ARHGEF28: variants seen among roughly 807,000 people sequenced by gnomAD.
ARHGEF28 encodes the protein Rho guanine nucleotide exchange factor 28.
ARHGEF28 carries 152 observed loss-of-function variants against 206.6 expected under a neutral mutation model. That is an observed-to-expected ratio of 0.74 (90% CI 0.64 to 0.84). The LOEUF is 0.84. Among genes scored for constraint, ARHGEF28 ranks in the 40% least tolerant of loss-of-function variants. ARHGEF28 has a pLI of 0.00. For missense variants in ARHGEF28, 2,028 were observed against 2,073.2 expected (o/e 0.98, Z 0.42); for synonymous variants, 763 against 776.4 (o/e 0.98, Z 0.29).
At chr5:73,932,158 G>A (rs900409441) in intron 35 of ARHGEF28, among the ~76,000 whole-genome samples, 2 of 152,140 alleles carry the variant, frequency 1.3e-5, no homozygotes, top group Admixed American at 6.5e-5. Flanking sequence ...AAATAACAGA[G>A]AAACTACTAA....
chr5:73,749,292 A>G (rs1751904060), intron 2 of ARHGEF28, among the ~76,000 whole-genome samples: 1 of 152,234 alleles, frequency 6.6e-6, no homozygotes, highest in Non-Finnish European at 1.5e-5. Flanking sequence ...AATAATTATC[A>G]TGAACTTTTG....
chr5:73,819,482 C>T (rs936711320), intron 9 of ARHGEF28, among the ~76,000 whole-genome samples: 8 of 152,166 alleles, frequency 5.3e-5, no homozygotes, highest in African/African-American at 1.9e-4. Flanking sequence ...GGAATCCTTC[C>T]TTGGGATTAT....
chr5:73,867,734 G>A, intron 18 of ARHGEF28, 142 bp from the exon 19 acceptor site: 1 of 1,113,706 alleles, frequency 9.0e-7, no homozygotes, highest in Non-Finnish European at 1.3e-6. Flanking sequence ...TCAGGATCTA[G>A]CAGGGAGACT....
intron 2 of ARHGEF28, among the ~76,000 whole-genome samples, chr5:73,745,419 T>G (rs986103610): frequency 1.3e-5 from 2 of 152,042 alleles, no homozygotes; most frequent in Non-Finnish European, 2.9e-5. Flanking sequence ...TAGTTTAAGG[T>G]GGCAAAAACA....
Position 73,911,274 on chromosome 5 carries a change from G to A in ARHGEF28, c.4648-1G>A, listed in dbSNP as rs768689372. On this transcript the variant is annotated splice_acceptor_variant, in intron 34 of 35. Coordinates refer to ENST00000513042, the MANE Select transcript of ARHGEF28 (RefSeq NM_001177693.2). LOFTEE classifies it high-confidence loss of function. ...TACTTTTCCTCTGTTTCTTTACACA[G>A]GTAATGGAACTTAATCGATCTGAGA... 2.5e-6 allele frequency: 4 copies of A among 1,579,800 alleles called. No individual in the cohort carries two copies. The highest frequency in any genetic ancestry group is 4.5e-5 in the East Asian group (2 of 44,044).
chr5:73,648,679 A>T (rs1210158731), intron 1 of ARHGEF28, among the ~76,000 whole-genome samples: 1 of 152,206 alleles, frequency 6.6e-6, no homozygotes, highest in Non-Finnish European at 1.5e-5. Flanking sequence ...GGCTACAGGA[A>T]TACCTTTCCT....
chr5:73,734,426 G>T (rs1023577141), intron 2 of ARHGEF28, among the ~76,000 whole-genome samples: 3 of 152,056 alleles, frequency 2.0e-5, no homozygotes, highest in African/African-American at 7.2e-5. Context: ...TTCACTTCAG[G>T]GTCTTTGGGG....
intron 1 of ARHGEF28, among the ~76,000 whole-genome samples, chr5:73,682,221 G>A (rs1048288207): frequency 6.6e-6 from 1 of 152,144 alleles, no homozygotes; most frequent in African/African-American, 2.4e-5. Context: ...CTGCCTTGTA[G>A]GACCCTCACT....
chr5:73,740,844 A>G (rs766769405), intron 2 of ARHGEF28, among the ~76,000 whole-genome samples: 1 of 152,144 alleles, frequency 6.6e-6, no homozygotes, highest in Non-Finnish European at 1.5e-5. Flanking sequence ...CTAAATTTTC[A>G]TCAATATAGG....
At position 73,832,453 on chromosome 5, in the gene ARHGEF28, T is replaced by C; in HGVS notation, c.1140T>C (p.Ile380=). Residue 380 remains isoleucine (I), a synonymous_variant, in exon 10 of 36, where the codon ATT becomes ATC. Transcript: ENST00000513042. ...AAGTCTACGCTAACTGTATGGTGATTGATCAGGTAAGGCCCAACTGACATT... is the reference window on the plus strand; with the variant it reads ...AAGTCTACGCTAACTGTATGGTGATCGATCAGGTAAGGCCCAACTGACATT... The part of the protein sequence containing the change: ...GDEVYANCMV[I]DQVGDLDISY... 1 of 1,612,344 alleles carries C rather than the reference T, an allele frequency of 6.2e-7. No individual in the cohort carries two copies. The highest frequency in any genetic ancestry group is 8.5e-7 in the Non-Finnish European group (1 of 1,179,298).
At chr5:73,748,690 C>A (rs1751868739) in intron 2 of ARHGEF28, among the ~76,000 whole-genome samples, 1 of 152,124 alleles carries the variant, frequency 6.6e-6, no homozygotes, top group Non-Finnish European at 1.5e-5. Flanking sequence ...CACAAAAGCC[C>A]AGATGCTTCT....
chr5:73,935,840 G>A (rs961156676), intron 35 of ARHGEF28, among the ~76,000 whole-genome samples: 11 of 152,168 alleles, frequency 7.2e-5, no homozygotes, highest in Middle Eastern at 3.2e-3. Context: ...CAGAAGATAC[G>A]CAGTTCTGTT....
intron 34 of ARHGEF28, 106 bp from the exon 35 acceptor site, chr5:73,911,169 C>T: frequency 1.7e-6 from 2 of 1,189,698 alleles, no homozygotes; most frequent in East Asian, 2.6e-5. Context: ...CTTGACCTCA[C>T]TTTTACTGAA....
chr5:73,854,432 T>C (rs1373560000), intron 14 of ARHGEF28, among the ~76,000 whole-genome samples: 3 of 152,222 alleles, frequency 2.0e-5, no homozygotes, highest in African/African-American at 7.2e-5. Flanking sequence ...CTTAAATCTA[T>C]TGTATGTATT....
intron 2 of ARHGEF28, among the ~76,000 whole-genome samples, chr5:73,741,304 C>T (rs1241231088): frequency 5.4e-5 from 8 of 147,844 alleles, no homozygotes; most frequent in African/African-American, 2.0e-4. Flanking sequence ...GTGAATCATT[C>T]CATCAAGGGT....
At chr5:73,630,611 C>T (rs1360554416) in intron 1 of ARHGEF28, among the ~76,000 whole-genome samples, 3 of 152,112 alleles carry the variant, frequency 2.0e-5, no homozygotes, top group African/African-American at 7.2e-5. Flanking sequence ...AGTGTGACCC[C>T]AGGAGAAATT....
chr5:73,762,344 T>C (rs984905561), intron 4 of ARHGEF28, among the ~76,000 whole-genome samples: 6 of 150,558 alleles, frequency 4.0e-5, no homozygotes, highest in Admixed American at 3.3e-4. Context: ...TAATCCCAGC[T>C]ACTTGGGAGG....
intron 4 of ARHGEF28, among the ~76,000 whole-genome samples, chr5:73,756,776 T>C (rs1752336422): frequency 6.6e-6 from 1 of 152,246 alleles, no homozygotes; most frequent in Non-Finnish European, 1.5e-5. Flanking sequence ...ATATAAATTC[T>C]TCTGTGTCAG....
At chr5:73,738,066 C>G (rs1751118715) in intron 2 of ARHGEF28, among the ~76,000 whole-genome samples, 1 of 152,166 alleles carries the variant, frequency 6.6e-6, no homozygotes, top group South Asian at 2.1e-4. Flanking sequence ...ACAATGGAGG[C>G]TGGGGATGCT....
Sources: gnomAD v4.1 joint callset for allele counts (sites outside exome capture counted in the v4.1 genomes callset) on GRCh38, gnomAD v4.1.1 for gene constraint, MANE v1.5 for transcripts, NCBI Gene and HGNC (gene_info 2026-07-23, HGNC 2026-07-21) for gene names.